Variants in RPS6KA2 observed in about 807,000 individuals in gnomAD.
The protein encoded by RPS6KA2 is ribosomal protein S6 kinase A2, also known as ribosomal protein S6 kinase alpha-2.
Under a neutral mutation model 91.8 loss-of-function variants are expected in RPS6KA2, and 42 were observed. The ratio of observed to expected loss-of-function variants is 0.46; its 90% CI spans 0.36 to 0.59. The LOEUF (loss-of-function observed/expected upper bound fraction) is 0.59. Ranked by LOEUF, RPS6KA2 falls within the 20% of genes least tolerant of loss-of-function variation. The pLI is 0.00. For missense variants in RPS6KA2, 798 were observed against 978.5 expected (o/e 0.82, Z 2.46); for synonymous variants, 414 against 393.6 (o/e 1.05, Z -0.61).
At chr6:166,762,569 G>T (rs898469346) in intron 2 of RPS6KA2, among the ~76,000 whole-genome samples, 1 of 152,104 alleles carries the variant, frequency 6.6e-6, no homozygotes, top group African/African-American at 2.4e-5. Context: ...ACAGGATCTC[G>T]CACTGGGCTG....
intron 2 of RPS6KA2, among the ~76,000 whole-genome samples, chr6:166,659,312 T>C (rs1582994335): frequency 6.6e-6 from 1 of 152,242 alleles, no homozygotes; most frequent in East Asian, 1.9e-4. Flanking sequence ...CAAAACTAAT[T>C]GCACTAACAG....
In RPS6KA2 at chr6:166,662,666, C is replaced by G. The variant is rs1301421160; in HGVS notation, c.124-123882G>C. On this transcript the variant is annotated intron_variant, in intron 2 of 21. Coordinates refer to the RPS6KA2 transcript ENST00000503859. The surrounding 1 kb of genome is among the most constrained non-coding windows in gnomAD (Gnocchi z 4.3). ...CTTGTGTATCATATACCTGGATTCTCTGGTTTAGCTTGTAAACCCAATATT... is the reference window on the plus strand; with the variant it reads ...CTTGTGTATCATATACCTGGATTCTGTGGTTTAGCTTGTAAACCCAATATT... 6.6e-6 allele frequency among the ~76,000 whole-genome samples: 1 copy of G among 152,172 alleles called. No homozygotes were observed. The highest frequency in any genetic ancestry group is 1.5e-5 in the Non-Finnish European group (1 of 68,030).
intron 2 of RPS6KA2, among the ~76,000 whole-genome samples, chr6:166,704,430 C>T (rs902267515): frequency 7.2e-5 from 11 of 152,200 alleles, no homozygotes; most frequent in Admixed American, 2.0e-4. Flanking sequence ...ATAGACTTAG[C>T]GACTGACTAG....
chr6:166,789,239 G>C (rs987677985), intron 2 of RPS6KA2, among the ~76,000 whole-genome samples: 1 of 152,182 alleles, frequency 6.6e-6, no homozygotes, highest in Non-Finnish European at 1.5e-5. Context: ...AGGGTCCTAC[G>C]CCCACGGAGT....
intron 12 of RPS6KA2, among the ~76,000 whole-genome samples, chr6:166,451,935 C>G (rs4710048): frequency 0.34 from 52,213 of 152,114 alleles, 9,067 homozygotes; most frequent in Admixed American, 0.44. Flanking sequence ...AAATCTGCAT[C>G]ATACATAACA....
At chr6:166,787,986 A>AG in intron 2 of RPS6KA2, among the ~76,000 whole-genome samples, 1 of 151,852 alleles carries the variant, frequency 6.6e-6, no homozygotes, top group African/African-American at 2.4e-5. Flanking sequence ...AAAAAAAAAA[A>AG]AAAAAAACCA....
At chr6:166,700,540 G>C (rs905596930) in intron 2 of RPS6KA2, among the ~76,000 whole-genome samples, 1 of 151,934 alleles carries the variant, frequency 6.6e-6, no homozygotes, top group African/African-American at 2.4e-5. Context: ...GAATACCCGA[G>C]GTAGTTGAGT....
intron 11 of RPS6KA2, among the ~76,000 whole-genome samples, chr6:166,466,335 G>A (rs987917690): frequency 9.2e-5 from 14 of 152,234 alleles, no homozygotes; most frequent in Admixed American, 6.5e-5. Context: ...AATCTAATGT[G>A]TCATAGTTTT....
At chr6:166,756,155 T>C in intron 2 of RPS6KA2, among the ~76,000 whole-genome samples, 1 of 152,066 alleles carries the variant, frequency 6.6e-6, no homozygotes, top group Non-Finnish European at 1.5e-5. Flanking sequence ...CCAGGCGTGG[T>C]GGCAGGAGCC....
chr6:166,543,516 C>A (rs976186565), intron 1 of RPS6KA2, among the ~76,000 whole-genome samples: 1 of 152,196 alleles, frequency 6.6e-6, no homozygotes, highest in African/African-American at 2.4e-5. Context: ...TAGCACTGGG[C>A]ATGGCTATTC....
chr6:166,496,388 G>GA (rs147272970), intron 8 of RPS6KA2, among the ~76,000 whole-genome samples: 28,711 of 150,866 alleles, frequency 0.19, 3,756 homozygotes, highest in African/African-American at 0.37. Flanking sequence ...AGAAAAAAAA[G>GA]AAAAAAAATT....
intron 2 of RPS6KA2, among the ~76,000 whole-genome samples, chr6:166,682,649 G>A (rs1037948796): frequency 6.6e-6 from 1 of 152,196 alleles, no homozygotes; most frequent in African/African-American, 2.4e-5. Flanking sequence ...TGGGAGTGTG[G>A]AGATAAACAC....
At chr6:166,547,598 T>C (rs536165289) in intron 1 of RPS6KA2, among the ~76,000 whole-genome samples, 3 of 152,308 alleles carry the variant, frequency 2.0e-5, no homozygotes, top group African/African-American at 7.2e-5. Flanking sequence ...TGCTAGAAGA[T>C]CAGAAGAGGC....
rs1214334760 is a variant in RPS6KA2 at position 166,737,942 on chromosome 6, G to A, written c.123+120258C>T. 2.0e-5 allele frequency among the ~76,000 whole-genome samples: 3 copies of A among 152,150 alleles called. No individual in the cohort carries two copies. Among genetic ancestry groups the A allele is most frequent in the Admixed American group, 6.5e-5 (1 of 15,284 alleles). On this transcript the variant is annotated intron_variant, in intron 2 of 21. Coordinates refer to the RPS6KA2 transcript ENST00000503859. This position sits in a 1 kb window ranked among gnomAD's most constrained non-coding sequence, Gnocchi z 4.3. ...AAAGTATACAAAGTAAAATAAAAAT[G>A]TCATGCCATCGCTCAGAGAGAATCC...
intron 2 of RPS6KA2, among the ~76,000 whole-genome samples, chr6:166,772,957 C>A (rs1486798705): frequency 6.6e-6 from 1 of 152,154 alleles, no homozygotes; most frequent in South Asian, 2.1e-4. Context: ...GAGGATTCTC[C>A]AGCCACTCTG....
rs1780672268 is a variant in RPS6KA2, at chr6:166,849,049, C to G, written c.123+9151G>C. Reference sequence around the variant, plus strand: ...GCCATGGCCTCGAATCCTGACATCACACTCTTCTCTCCACATGCATCTCAG... The same window carrying G: ...GCCATGGCCTCGAATCCTGACATCAGACTCTTCTCTCCACATGCATCTCAG... On this transcript the variant is annotated intron_variant, in intron 2 of 21. Transcript: ENST00000503859. This position sits in a 1 kb window ranked among gnomAD's most constrained non-coding sequence, Gnocchi z 4.9. 6.6e-6 allele frequency among the ~76,000 whole-genome samples: 1 copy of G among 152,160 alleles called. No homozygotes were observed. Among genetic ancestry groups the G allele is most frequent in the African/African-American group, 2.4e-5 (1 of 41,430 alleles).
intron 2 of RPS6KA2, among the ~76,000 whole-genome samples, chr6:166,844,382 C>T (rs750672012): frequency 1.2e-4 from 19 of 152,098 alleles, no homozygotes; most frequent in Non-Finnish European, 2.4e-4. Context: ...CCCAGCCTTG[C>T]TAGAGATCTA....
intron 1 of RPS6KA2, among the ~76,000 whole-genome samples, chr6:166,593,842 AC>A (rs1785438547): frequency 6.6e-6 from 1 of 152,230 alleles, no homozygotes; most frequent in South Asian, 2.1e-4. Context: ...AATGTGTCAA[AC>A]TTCTATAAAT....
intron 1 of RPS6KA2, among the ~76,000 whole-genome samples, chr6:166,617,216 A>C (rs1235836856): frequency 6.6e-6 from 1 of 152,242 alleles, no homozygotes; most frequent in Non-Finnish European, 1.5e-5. Context: ...TTCTAGAAGC[A>C]ACAGCTTTTA....
Sources: allele counts gnomAD v4.1 joint callset (sites outside exome capture counted in the v4.1 genomes callset), GRCh38; gene constraint gnomAD v4.1.1; non-coding constraint Gnocchi (gnomAD v3.1); transcripts MANE v1.5; gene names NCBI Gene and HGNC (gene_info 2026-07-23, HGNC 2026-07-21).